Variants in HDAC9 observed in about 807,000 individuals in gnomAD.
The protein encoded by HDAC9 is histone deacetylase 9, also known as MEF-2 interacting transcription repressor (MITR) protein.
Under a neutral mutation model 139.4 loss-of-function variants are expected in HDAC9, and 41 were observed. That is an observed-to-expected ratio of 0.29 (90% CI 0.23 to 0.38). The LOEUF is 0.38. Ranked by LOEUF, HDAC9 falls within the 10% of genes least tolerant of loss-of-function variation. The pLI is 1.00. For missense variants in HDAC9, 1,147 were observed against 1,297.0 expected (o/e 0.88, Z 1.78); for synonymous variants, 517 against 476.2 (o/e 1.09, Z -1.12).
intron 17 of HDAC9, among the ~76,000 whole-genome samples, chr7:18,822,701 T>C (rs1267007625): frequency 1.3e-5 from 2 of 152,174 alleles, no homozygotes; most frequent in African/African-American, 4.8e-5. Context: ...GATCAGGCAG[T>C]TGACTAGTCT....
chr7:18,557,011 C>T (rs754035268), intron 2 of HDAC9, among the ~76,000 whole-genome samples: 5 of 151,942 alleles, frequency 3.3e-5, no homozygotes, highest in Non-Finnish European at 7.4e-5. Context: ...TTCTTAATAT[C>T]TTTTAATGAG....
intron 2 of HDAC9, among the ~76,000 whole-genome samples, chr7:18,172,742 T>G (rs886499190): frequency 6.6e-6 from 1 of 152,242 alleles, no homozygotes; most frequent in African/African-American, 2.4e-5. Flanking sequence ...TTGTTCAGTT[T>G]CCCTGTAGTT....
At chr7:18,362,884 T>C (rs575497781) in intron 1 of HDAC9, among the ~76,000 whole-genome samples, 35 of 152,314 alleles carry the variant, frequency 2.3e-4, no homozygotes, top group Non-Finnish European at 8.8e-5. Flanking sequence ...ATCTAGTTTG[T>C]ATATTTCCTC....
At position 18,727,755 on chromosome 7, in the gene HDAC9, C is replaced by T; in HGVS notation, c.1907C>T (p.Thr636Ile). The T allele has an allele frequency of 6.6e-7, 1 of 1,518,918 alleles. No homozygotes were observed. Among genetic ancestry groups the T allele is most frequent in the Non-Finnish European group, 8.8e-7 (1 of 1,141,846 alleles). 94.1% of individuals were successfully genotyped at this position (1,518,918 alleles called of 1,614,324 possible). A position where few individuals can be genotyped will look rare whatever the true frequency, so the allele number is the denominator to read the frequency against. Residue 636 changes from threonine (T) to isoleucine (I), a missense_variant and splice_region_variant, in exon 13 of 26, where the codon ACT (threonine) becomes ATT (isoleucine). By Grantham distance (89) the Thr-to-Ile change is moderately conservative (BLOSUM62 -1). Transcript: ENST00000686413. The part of the protein sequence containing the change: ...MDRPLQPGSA[T>I]GIAYDPLMLK... ...CGCCCCCTCCAGCCTGGCTCTGCAACTGGTAGGAATCCCTAAAGACTCTCT... is the reference window on the plus strand; with the variant it reads ...CGCCCCCTCCAGCCTGGCTCTGCAATTGGTAGGAATCCCTAAAGACTCTCT...
At chr7:18,117,594 C>T (rs981481478) in intron 1 of HDAC9, among the ~76,000 whole-genome samples, 2 of 151,790 alleles carry the variant, frequency 1.3e-5, no homozygotes, top group Non-Finnish European at 2.9e-5. Flanking sequence ...TGGGATGATG[C>T]AGCATTGAAT....
Position 18,159,916 on chromosome 7 carries a change from G to A in HDAC9, c.-96-2313G>A, listed in dbSNP as rs553263266. Among the ~76,000 whole-genome samples the A allele has an allele frequency of 1.2e-4, 18 of 152,272 alleles. No homozygotes were observed. The South Asian group carries it at 3.3e-3, about 28-fold the overall frequency. On this transcript the variant is annotated intron_variant, in intron 1 of 12. Transcript: ENST00000417496. Reference sequence around the variant, plus strand: ...TTTAAAAAAGACTTGATATTTGTAAGTCAAATTTATATTTCCATCCCAGAT... The same window carrying A: ...TTTAAAAAAGACTTGATATTTGTAAATCAAATTTATATTTCCATCCCAGAT...
chr7:18,138,464 G>A (rs1026892779), intron 1 of HDAC9, among the ~76,000 whole-genome samples: 2 of 152,012 alleles, frequency 1.3e-5, no homozygotes, highest in Non-Finnish European at 2.9e-5. Context: ...AGAGATGAGA[G>A]GGAGAGAAAG....
chr7:18,180,632 A>G (rs1266538335), intron 2 of HDAC9, among the ~76,000 whole-genome samples: 5 of 152,226 alleles, frequency 3.3e-5, no homozygotes, highest in Non-Finnish European at 5.9e-5. Context: ...TACCTGTTGG[A>G]AACCCCAATC....
intron 2 of HDAC9, among the ~76,000 whole-genome samples, chr7:18,180,351 C>A (rs1322531792): frequency 6.6e-6 from 1 of 151,676 alleles, no homozygotes; most frequent in African/African-American, 2.4e-5. Context: ...CTCTGTGTTT[C>A]TTTCTGGACC....
intron 1 of HDAC9, among the ~76,000 whole-genome samples, chr7:18,379,002 A>C (rs754814309): frequency 6.6e-6 from 1 of 152,134 alleles, no homozygotes; most frequent in South Asian, 2.1e-4. Flanking sequence ...TTTTTAGAAG[A>C]TTTATACCTA....
chr7:18,204,129 T>A (rs1277151956), intron 2 of HDAC9, among the ~76,000 whole-genome samples: 2 of 152,086 alleles, frequency 1.3e-5, no homozygotes, highest in South Asian at 2.1e-4. Flanking sequence ...GTAAAAAAAA[T>A]TTAGTGACAG....
intron 6 of HDAC9, among the ~76,000 whole-genome samples, chr7:18,628,491 C>T (rs912920712): frequency 3.9e-5 from 6 of 152,156 alleles, no homozygotes; most frequent in Admixed American, 2.0e-4. Context: ...ATTACCACCA[C>T]CATCACCACC....
chr7:18,566,958 T>C (rs1822557287), intron 2 of HDAC9, among the ~76,000 whole-genome samples: 1 of 152,174 alleles, frequency 6.6e-6, no homozygotes, highest in African/African-American at 2.4e-5. Context: ...GAATCAAACC[T>C]TCCCTCAGGT....
At chr7:18,755,069 T>TCTAACCA (rs1788763042) in intron 14 of HDAC9, among the ~76,000 whole-genome samples, 1 of 152,126 alleles carries the variant, frequency 6.6e-6, no homozygotes, top group African/African-American at 2.4e-5. Context: ...TGCCTTAGAA[T>TCTAACCA]CTAACCACAA....
chr7:18,714,143 T>C (rs1784538774), intron 12 of HDAC9, among the ~76,000 whole-genome samples: 1 of 152,236 alleles, frequency 6.6e-6, no homozygotes, highest in African/African-American at 2.4e-5. Flanking sequence ...TGCATCTTTG[T>C]AAAGTGGTAG....
intron 9 of HDAC9, among the ~76,000 whole-genome samples, chr7:18,646,026 C>G (rs1434720953): frequency 6.6e-6 from 1 of 151,968 alleles, no homozygotes. Flanking sequence ...CAGCTATGCT[C>G]TTAAAATTCC....
At chr7:18,774,785 C>T (rs1307055973) in intron 16 of HDAC9, among the ~76,000 whole-genome samples, 2 of 152,046 alleles carry the variant, frequency 1.3e-5, no homozygotes, top group African/African-American at 4.8e-5. Context: ...TTTGTGTGTT[C>T]ACTGCAGTAG....
At chr7:18,703,982 T>C (rs990401802) in intron 12 of HDAC9, among the ~76,000 whole-genome samples, 18 of 152,192 alleles carry the variant, frequency 1.2e-4, no homozygotes, top group Non-Finnish European at 5.9e-5. Context: ...TTGACTAATG[T>C]GGCATCTCTG....
chr7:18,244,295 C>G (rs962716109), intron 2 of HDAC9, among the ~76,000 whole-genome samples: 42 of 152,090 alleles, frequency 2.8e-4, no homozygotes, highest in African/African-American at 9.9e-4. Context: ...ACAAAACCCC[C>G]CTACTATGCA....
Sources: gnomAD v4.1 joint callset for allele counts (sites outside exome capture counted in the v4.1 genomes callset) on GRCh38, gnomAD v4.1.1 for gene constraint, MANE v1.5 for transcripts, NCBI Gene and HGNC (gene_info 2026-07-23, HGNC 2026-07-21) for gene names.